NLRP7: variants seen among roughly 807,000 people sequenced by gnomAD.
NLRP7 encodes NACHT, LRR and PYD domains-containing protein 7.
NLRP7 carries 72 observed loss-of-function variants against 85.5 expected under a neutral mutation model. The ratio of observed to expected loss-of-function variants is 0.84; its 90% CI spans 0.70 to 1.02. The LOEUF (loss-of-function observed/expected upper bound fraction) is 1.02, where lower values mean the gene tolerates loss of function less well. Among genes scored for constraint, NLRP7 ranks in the 50% least tolerant of loss-of-function variants. The probability of loss-of-function intolerance (pLI) is 0.00; values close to 1 mark genes in which losing one functional copy is unlikely to be tolerated. For synonymous variants in NLRP7, 550 were observed against 505.2 expected, an observed-to-expected ratio of 1.09 and a Z score of -1.19; for missense variants, 1,243 against 1,219.5, an observed-to-expected ratio of 1.02 and a Z score of -0.29.
At chr19:54,945,514 C>T (rs986776572) in intron 1 of NLRP7, among the ~76,000 whole-genome samples, 43 of 152,054 alleles carry the variant, frequency 2.8e-4, no homozygotes, top group African/African-American at 9.6e-4. Flanking sequence ...AGGTGATCTG[C>T]CCACCTCAGC....
Position 54,930,627 on chromosome 19 carries a change from A to AT in NLRP7, c.2681dup (p.Tyr894Ter). 1 of 1,612,606 alleles carries AT rather than the reference A, an allele frequency of 6.2e-7. No individual in the cohort carries two copies. Among genetic ancestry groups the AT allele is most frequent in the South Asian group, 1.1e-5 (1 of 91,054 alleles). The change falls in exon 9 of 10, where the codon TAT (tyrosine) becomes TAAT (stop). Residue 894 changes from tyrosine (Y) to a stop codon, truncating the protein, a stop_gained and frameshift_variant. Coordinates refer to ENST00000340844, the Ensembl canonical transcript of NLRP7. LOFTEE classifies it high-confidence loss of function. ...AGGCTTCTTGGAGCGCCTCTGAGAG[A>AT]TATCTACAGCCAAGCTTGGTTATGC...
chr19:54,936,757 AT>A (rs1196357625), intron 5 of NLRP7, among the ~76,000 whole-genome samples: 1 of 152,110 alleles, frequency 6.6e-6, no homozygotes, highest in Non-Finnish European at 1.5e-5. Context: ...TCTACTAAAA[AT>A]ACAAAAATTA....
At chr19:54,929,987 C>T (rs2068603272) in intron 9 of NLRP7, among the ~76,000 whole-genome samples, 2 of 151,250 alleles carry the variant, frequency 1.3e-5, no homozygotes, top group African/African-American at 4.9e-5. Context: ...CGGTGGCGGG[C>T]ATCTGTAGTC....
At chr19:54,956,909 C>A (rs1218429903) in intron 1 of NLRP7, among the ~76,000 whole-genome samples, 1 of 151,824 alleles carries the variant, frequency 6.6e-6, no homozygotes, top group Admixed American at 6.6e-5. Context: ...GAATTACAGG[C>A]GTGAACCCAG....
intron 1 of NLRP7, among the ~76,000 whole-genome samples, chr19:54,957,234 T>C (rs2069887583): frequency 1.3e-5 from 2 of 151,764 alleles, no homozygotes; most frequent in South Asian, 4.2e-4. Flanking sequence ...TTGTCCAGGC[T>C]AGTCTCAAAC....
At chr19:54,937,204 C>T (rs560191827) in intron 5 of NLRP7, among the ~76,000 whole-genome samples, 2 of 143,610 alleles carry the variant, frequency 1.4e-5, no homozygotes, top group Non-Finnish European at 3.0e-5. Flanking sequence ...GGGAACATAG[C>T]GAGACTGTCT....
At chr19:54,927,381 C>CA (rs35405359) in intron 9 of NLRP7, among the ~76,000 whole-genome samples, 3,855 of 138,694 alleles carry the variant, frequency 0.028, 138 homozygotes, top group East Asian at 0.11. Flanking sequence ...AACTCCGTCT[C>CA]AAAAAAAAAA....
At chr19:54,955,348 T>C (rs2069817932) in intron 1 of NLRP7, among the ~76,000 whole-genome samples, 1 of 151,528 alleles carries the variant, frequency 6.6e-6, no homozygotes, top group African/African-American at 2.4e-5. Flanking sequence ...ATAAATAAAA[T>C]CATTGGAATA....
chr19:54,954,253 C>G (rs1030700418), intron 1 of NLRP7, among the ~76,000 whole-genome samples: 1 of 148,258 alleles, frequency 6.7e-6, no homozygotes, highest in South Asian at 2.1e-4. Context: ...ACCGGCCGGG[C>G]GCGGTGGTCA....
chr19:54,955,748 C>T (rs2069830182), intron 1 of NLRP7, among the ~76,000 whole-genome samples: 1 of 152,024 alleles, frequency 6.6e-6, no homozygotes, highest in Non-Finnish European at 1.5e-5. Context: ...GATCGTGCCA[C>T]TGCACTTCAG....
Position 54,941,761 on chromosome 19 carries a change from A to T in NLRP7, c.-39-11T>A, listed in dbSNP as rs754413132. 3.2e-6 allele frequency: 5 copies of T among 1,579,644 alleles called. No homozygotes were observed. Among genetic ancestry groups the T allele is most frequent in the African/African-American group, 2.7e-5 (2 of 72,930 alleles). ...GTTAAGGCTGAAGAACTGGGGGGAA[A>T]AAAGGAAAAACAGTTCACGAGTTAC... is the stretch of plus-strand genomic sequence containing the variant. On this transcript the variant is annotated splice_polypyrimidine_tract_variant and intron_variant, in intron 1 of 9. Coordinates refer to ENST00000340844, the Ensembl canonical transcript of NLRP7.
chr19:54,928,515 C>T (rs1171803175), intron 9 of NLRP7, among the ~76,000 whole-genome samples: 2 of 151,960 alleles, frequency 1.3e-5, no homozygotes, highest in Non-Finnish European at 2.9e-5. Context: ...GCAGACATCT[C>T]GATATGTTCT....
chr19:54,959,337 C>A (rs2069961183), intron 1 of NLRP7, among the ~76,000 whole-genome samples: 1 of 147,476 alleles, frequency 6.8e-6, no homozygotes, highest in African/African-American at 2.5e-5. Context: ...CGGGGTTTCA[C>A]CATGTTGGCC....
intron 2 of NLRP7, 39 bp from the exon 3 acceptor site, chr19:54,941,044 A>G: frequency 1.4e-6 from 2 of 1,387,400 alleles, no homozygotes; most frequent in Non-Finnish European, 2.1e-6. Context: ...ACAGTAATTT[A>G]CACTTCGTAA....
At chr19:54,964,037 GC>G (rs2070184828) in intron 1 of NLRP7, among the ~76,000 whole-genome samples, 1 of 148,150 alleles carries the variant, frequency 6.7e-6, no homozygotes, top group African/African-American at 2.5e-5. Flanking sequence ...CCGCCACCAC[GC>G]CCGACTAATT....
intron 8 of NLRP7, among the ~76,000 whole-genome samples, chr19:54,931,558 C>G (rs1369809235): frequency 6.6e-6 from 1 of 152,090 alleles, no homozygotes; most frequent in South Asian, 2.1e-4. Flanking sequence ...TGTGGTGGCA[C>G]ATGCCTGTAA....
At chr19:54,959,742 A>G (rs2069976315) in intron 1 of NLRP7, among the ~76,000 whole-genome samples, 2 of 151,928 alleles carry the variant, frequency 1.3e-5, no homozygotes, top group African/African-American at 4.8e-5. Flanking sequence ...AAAAAAAATT[A>G]GTGCTTGACC....
intron 9 of NLRP7, 34 bp downstream of exon 10, chr19:54,927,571 A>T (rs1569539018): frequency 1.3e-6 from 2 of 1,559,700 alleles, no homozygotes; most frequent in African/African-American, 3.2e-5. Flanking sequence ...AACAAAAACA[A>T]AAAACAAAAC....
At chr19:54,951,044 C>T (rs1399352400), upstream of NLRP7, among the ~76,000 whole-genome samples, 1 of 152,198 alleles carries the variant, frequency 6.6e-6, no homozygotes, top group Non-Finnish European at 1.5e-5. Flanking sequence ...TTTAACAAAG[C>T]ACATCTTGCA....
Sources: gnomAD v4.1 joint callset for allele counts (sites outside exome capture counted in the v4.1 genomes callset) on GRCh38, gnomAD v4.1.1 for gene constraint, MANE v1.5 for transcripts, NCBI Gene and HGNC (gene_info 2026-07-23, HGNC 2026-07-21) for gene names.